Variants in OTUB1 observed in about 807,000 individuals in gnomAD.
The protein encoded by OTUB1 is OTU deubiquitinase, ubiquitin aldehyde binding 1, also known as ubiquitin thioesterase OTUB1.
A neutral mutation model predicts 35.8 loss-of-function variants in OTUB1; 10 were observed. The observed-to-expected ratio is 0.28, with a 90% CI of 0.17 to 0.47. The LOEUF (loss-of-function observed/expected upper bound fraction) is 0.47, where lower values mean the gene tolerates loss of function less well. OTUB1 is among the 20% of genes least tolerant of loss of function. OTUB1 has a pLI of 0.99. For synonymous variants in OTUB1, 158 were observed against 143.8 expected (o/e 1.10, Z -0.71); for missense variants, 264 against 351.6 (o/e 0.75, Z 1.99).
intron 3 of OTUB1, among the ~76,000 whole-genome samples, chr11:63,991,988 C>T (rs542891344): frequency 6.6e-6 from 1 of 152,234 alleles, no homozygotes; most frequent in African/African-American, 2.4e-5. Context: ...GAGGCTGAGG[C>T]AGGTGGATCA....
At chr11:63,986,644 C>A in intron 1 of OTUB1, 130 bp downstream of exon 1, 1 of 682,256 alleles carries the variant, frequency 1.5e-6, no homozygotes, top group Non-Finnish European at 2.4e-6. Context: ...CCTTCCTCCA[C>A]CTCCGCTGCC....
chr11:63,996,168 C>CG (rs1195834199), intron 3 of OTUB1, among the ~76,000 whole-genome samples: 7 of 152,150 alleles, frequency 4.6e-5, no homozygotes, highest in African/African-American at 1.7e-4. Context: ...CAGCACTCCA[C>CG]CCTGGCCCTG....
At chr11:63,996,752 T>A (rs750360648) in intron 4 of OTUB1, 104 bp downstream of exon 4, 1 of 1,610,170 alleles carries the variant, frequency 6.2e-7, no homozygotes, top group Non-Finnish European at 8.5e-7. Flanking sequence ...TCCCGGGCGA[T>A]GGGCTGGACT....
At chr11:63,992,214 CA>C (rs907573779) in intron 3 of OTUB1, among the ~76,000 whole-genome samples, 146 of 135,056 alleles carry the variant, frequency 1.1e-3, no homozygotes, top group Non-Finnish European at 9.5e-4. Context: ...AACTCCACCT[CA>C]AAAAAAAAAA....
In OTUB1 at chr11:63,986,503, G is replaced by C. The variant is rs1942621166; in HGVS notation, c.47G>C (p.Ser16Thr). Residue 16 changes from serine (S) to threonine (T), a missense_variant, in exon 1 of 7, where the codon AGC (serine) becomes ACC (threonine). By Grantham distance (58) the Ser-to-Thr change is moderately conservative. Around this residue, in one of 2 missense-constraint regions of OTUB1, gnomAD observed 50 missense variants for 34.5 expected, o/e 1.45. Coordinates refer to ENST00000538426, the MANE Select transcript of OTUB1 (RefSeq NM_017670.3). ...PQQQKQEPLG[S>T]DSEGVNCLAY... ...CAGCAGAAGCAGGAGCCGCTGGGCA[G>C]CGACTCCGAAGGTACAGATCCAAGG... The C allele has an allele frequency of 6.4e-7, 1 of 1,551,928 alleles. No individual in the cohort carries two copies. Among genetic ancestry groups the C allele is most frequent in the Non-Finnish European group, 8.7e-7 (1 of 1,148,066 alleles).
chr11:63,986,697 C>T (rs1250119394), intron 1 of OTUB1, 183 bp downstream of exon 1: 4 of 565,362 alleles, frequency 7.1e-6, no homozygotes, highest in South Asian at 2.3e-5. Context: ...CCGCGACCCC[C>T]GGCCGGGAGG....
At position 63,997,754 on chromosome 11, in the gene OTUB1, G is replaced by GC. The variant is rs1376306910; in HGVS notation, c.*213dup. 1.4e-6 allele frequency: 1 copy of GC among 702,006 alleles called. No individual in the cohort carries two copies. Among genetic ancestry groups the GC allele is most frequent in the South Asian group, 1.5e-5 (1 of 67,594 alleles). The allele number at this position is 702,006 out of a possible 1,614,324, so 43.5% of individuals were successfully genotyped here. Reference sequence around the variant, plus strand: ...TGCCCGCCTGGCTGCTCTGTCTGCTGCCCCCTCCCCCCAGGTGGGTCCCCC... The same window carrying GC: ...TGCCCGCCTGGCTGCTCTGTCTGCTGCCCCCCTCCCCCCAGGTGGGTCCCCC... On this transcript the variant is annotated 3_prime_UTR_variant, in exon 7 of 7. Coordinates refer to ENST00000538426, the MANE Select transcript of OTUB1 (RefSeq NM_017670.3).
chr11:63,989,068 C>G (rs984171072), intron 3 of OTUB1: 3 of 237,098 alleles, frequency 1.3e-5, no homozygotes, highest in Non-Finnish European at 2.5e-5. Flanking sequence ...GCCTGTAATC[C>G]CAGCGCTTTG....
intron 3 of OTUB1, among the ~76,000 whole-genome samples, chr11:63,992,947 A>G (rs898330502): frequency 8.5e-5 from 13 of 152,206 alleles, no homozygotes; most frequent in African/African-American, 2.9e-4. Context: ...TGGCCTCCCA[A>G]AGTGCTGGGA....
chr11:63,994,552 C>T lies in OTUB1; in HGVS notation c.220-1978C>T, dbSNP rs139049388. 3.3e-3 allele frequency among the ~76,000 whole-genome samples: 510 copies of T among 152,354 alleles called. 4 individuals carry two copies. The highest frequency in any genetic ancestry group is 0.01 in the Middle Eastern group (3 of 294). The stretch of plus-strand genomic sequence containing the variant: ...AGGCGTGAGCCACCACACCCAGCCT[C>T]AGTGACTGTTTTCTTGCAGGTGACA... On this transcript the variant is annotated intron_variant, in intron 3 of 6. Coordinates refer to ENST00000538426, the MANE Select transcript of OTUB1 (RefSeq NM_017670.3).
intron 3 of OTUB1, among the ~76,000 whole-genome samples, chr11:63,993,796 A>T (rs1466670348): frequency 2.0e-5 from 3 of 152,060 alleles, no homozygotes; most frequent in Admixed American, 6.6e-5. Flanking sequence ...TGGCCTCCCA[A>T]AACACTGGGA....
In OTUB1 at chr11:63,986,486, G is replaced by A. The variant is rs935483126; in HGVS notation, c.30G>A (p.Lys10=). 2 of 1,553,962 alleles carry A rather than the reference G, an allele frequency of 1.3e-6. No individual in the cohort carries two copies. Among genetic ancestry groups the A allele is most frequent in the African/African-American group, 1.4e-5 (1 of 73,160 alleles). The part of the protein sequence containing the change: MAAEEPQQQ[K]QEPLGSDSEG... The stretch of plus-strand genomic sequence containing the variant: ...CGGCGGAGGAACCTCAGCAGCAGAA[G>A]CAGGAGCCGCTGGGCAGCGACTCCG... Residue 10 remains lysine (K), a synonymous_variant, in exon 1 of 7, where the codon AAG becomes AAA. Coordinates refer to ENST00000538426, the MANE Select transcript of OTUB1 (RefSeq NM_017670.3).
intron 6 of OTUB1, 30 bp downstream of exon 6, chr11:63,997,274 C>G (rs780054546): frequency 1.2e-6 from 2 of 1,610,790 alleles, no homozygotes; most frequent in South Asian, 1.1e-5. Context: ...TACTCTCGGC[C>G]GGGGGAGTGC....
intron 2 of OTUB1, 60 bp from the exon 3 acceptor site, chr11:63,988,594 T>G: frequency 1.5e-6 from 2 of 1,373,122 alleles, no homozygotes; most frequent in Non-Finnish European, 2.1e-6. Flanking sequence ...TTATTCTGTC[T>G]GTTAGGCATG....
intron 3 of OTUB1, among the ~76,000 whole-genome samples, chr11:63,994,066 G>T (rs2134309373): frequency 6.6e-6 from 1 of 152,140 alleles, no homozygotes; most frequent in East Asian, 1.9e-4. Context: ...GGTTGATGCT[G>T]CAGTGAGCCG....
Position 63,997,848 on chromosome 11 carries a change from G to GC in OTUB1, c.*306dup, listed in dbSNP as rs1341303598. The GC allele has an allele frequency of 1.5e-6, 1 of 682,770 alleles. No homozygotes were observed. The allele number at this position is 682,770 out of a possible 1,614,324, so 42.3% of individuals were successfully genotyped here. A position where few individuals can be genotyped will look rare whatever the true frequency, so the allele number is the denominator to read the frequency against. On this transcript the variant is annotated 3_prime_UTR_variant, in exon 7 of 7. Transcript: ENST00000538426. The stretch of plus-strand genomic sequence containing the variant: ...GTTTGAGGGGCCAGGCCTCTTGGAG[G>GC]CCCCTCCTGCTTCGTTGGGTTCTGC...
chr11:63,986,611 G>T lies in OTUB1; in HGVS notation c.58+97G>T, dbSNP rs1415379808. 3 of 1,123,606 alleles carry T rather than the reference G, an allele frequency of 2.7e-6. No individual in the cohort carries two copies. In the East Asian group the frequency reaches 8.2e-5, roughly 31 times the overall value. The allele number at this position is 1,123,606 out of a possible 1,614,324, so 69.6% of individuals were successfully genotyped here. On this transcript the variant is annotated intron_variant, in intron 1 of 6. Transcript: ENST00000538426. Reference sequence around the variant, plus strand: ...GAGGGGAGGCAGGGCCGCTGGCTCTGGGGTCGAGGTGCGCGAGGGGTCCCT... The same window carrying T: ...GAGGGGAGGCAGGGCCGCTGGCTCTTGGGTCGAGGTGCGCGAGGGGTCCCT...
intron 3 of OTUB1, among the ~76,000 whole-genome samples, chr11:63,991,320 C>G (rs1490880310): frequency 6.6e-6 from 1 of 152,202 alleles, no homozygotes; most frequent in Non-Finnish European, 1.5e-5. Context: ...TTCATTCATT[C>G]ATTCCTCTTA....
chr11:63,990,814 C>T (rs1942666385), intron 3 of OTUB1, among the ~76,000 whole-genome samples: 1 of 152,052 alleles, frequency 6.6e-6, no homozygotes, highest in Non-Finnish European at 1.5e-5. Context: ...GAGGGCAGCA[C>T]AGCTCAGTAT....
Sources: gnomAD v4.1 joint callset for allele counts (sites outside exome capture counted in the v4.1 genomes callset) on GRCh38, gnomAD v4.1.1 for gene constraint, gnomAD v4.1.1 regional missense constraint, MANE v1.5 for transcripts, NCBI Gene and HGNC (gene_info 2026-07-23, HGNC 2026-07-21) for gene names.